The following AGBL1 variants were observed in gnomAD, a reference collection of about 807,000 sequenced individuals.
AGBL1 encodes the protein AGBL carboxypeptidase 1, also known as cytosolic carboxypeptidase 4.
Under a neutral mutation model 118.9 loss-of-function variants are expected in AGBL1, and 130 were observed. The ratio of observed to expected loss-of-function variants is 1.09; its 90% CI spans 0.95 to 1.26. The LOEUF is 1.26. AGBL1 is among the 50% of genes most tolerant of loss of function. The pLI, the probability that AGBL1 is intolerant of heterozygous loss-of-function variation, is 0.00. For synonymous variants in AGBL1, 555 were observed against 478.9 expected (o/e 1.16, Z -2.08); for missense variants, 1,584 against 1,298.1 (o/e 1.22, Z -3.38).
intron 21 of AGBL1, among the ~76,000 whole-genome samples, chr15:86,582,760 G>A (rs188968921): frequency 3.8e-3 from 565 of 150,350 alleles, no homozygotes; most frequent in African/African-American, 0.011. Flanking sequence ...CTATCGCAAG[G>A]ACAAAAAACC....
chr15:86,209,433 A>C (rs951517323), intron 5 of AGBL1, among the ~76,000 whole-genome samples: 5 of 152,074 alleles, frequency 3.3e-5, no homozygotes, highest in Non-Finnish European at 7.4e-5. Flanking sequence ...GTCTCCCATT[A>C]TTATTGTGTG....
chr15:86,399,225 G>A (rs1235618823), intron 18 of AGBL1, among the ~76,000 whole-genome samples: 1 of 152,124 alleles, frequency 6.6e-6, no homozygotes, highest in Non-Finnish European at 1.5e-5. Flanking sequence ...GAACTCAGCC[G>A]ACTCTTGCTA....
At chr15:86,207,103 C>T (rs1197757072) in intron 5 of AGBL1, among the ~76,000 whole-genome samples, 1 of 152,096 alleles carries the variant, frequency 6.6e-6, no homozygotes, top group Non-Finnish European at 1.5e-5. Flanking sequence ...TCAGGTTTGT[C>T]AAAGATCAGA....
intron 23 of AGBL1, among the ~76,000 whole-genome samples, chr15:86,964,031 C>CTCTCTCTCTCTCTCTCTG (rs1183866210): frequency 6.2e-5 from 9 of 146,306 alleles, no homozygotes; most frequent in Middle Eastern, 3.5e-3. Context: ...CTCTCTCTCT[C>CTCTCTCTCTCTCTCTCTG]TGTGTGTGTG....
At chr15:86,115,617 G>A (rs542120344) in intron 1 of AGBL1, among the ~76,000 whole-genome samples, 2 of 152,252 alleles carry the variant, frequency 1.3e-5, no homozygotes, top group African/African-American at 4.8e-5. Context: ...CTGGTGCTCT[G>A]GGATGAGGAC....
At chr15:86,135,339 C>T (rs549923761) in intron 1 of AGBL1, among the ~76,000 whole-genome samples, 87 of 152,342 alleles carry the variant, frequency 5.7e-4, no homozygotes, top group African/African-American at 2.0e-3. Context: ...GCCTGCAGAA[C>T]GTGAGCCAAA....
At chr15:86,842,950 G>A (rs949137790) in intron 22 of AGBL1, among the ~76,000 whole-genome samples, 1 of 152,078 alleles carries the variant, frequency 6.6e-6, no homozygotes, top group Non-Finnish European at 1.5e-5. Flanking sequence ...TCTGGAAAAT[G>A]CTTGCAACTC....
intron 6 of AGBL1, among the ~76,000 whole-genome samples, chr15:86,232,527 G>T (rs574274198): frequency 6.6e-6 from 1 of 152,142 alleles, no homozygotes; most frequent in Non-Finnish European, 1.5e-5. Context: ...GGTCTCAGAG[G>T]CATTTGCTAA....
intron 1 of AGBL1, among the ~76,000 whole-genome samples, chr15:86,124,964 T>C (rs1172374898): frequency 6.6e-6 from 1 of 152,012 alleles, no homozygotes; most frequent in Non-Finnish European, 1.5e-5. Context: ...TAAAAAGGGG[T>C]TTTAGAATTA....
chr15:86,389,781 A>T (rs931371673), intron 17 of AGBL1, among the ~76,000 whole-genome samples: 1 of 152,106 alleles, frequency 6.6e-6, no homozygotes, highest in African/African-American at 2.4e-5. Context: ...AGGATGTATA[A>T]CTTAAGCTAA....
intron 22 of AGBL1, among the ~76,000 whole-genome samples, chr15:86,900,713 G>A (rs1177318518): frequency 3.3e-5 from 5 of 151,360 alleles, no homozygotes; most frequent in Admixed American, 1.3e-4. Flanking sequence ...GAACTTCCTG[G>A]TATACAAAAT....
At chr15:86,750,865 C>G (rs2077840074) in intron 22 of AGBL1, among the ~76,000 whole-genome samples, 1 of 151,986 alleles carries the variant, frequency 6.6e-6, no homozygotes, top group South Asian at 2.1e-4. Context: ...CATTTAGCTC[C>G]TACTTATAAG....
chr15:86,657,761 G>T (rs575259470), intron 21 of AGBL1, among the ~76,000 whole-genome samples: 2 of 151,956 alleles, frequency 1.3e-5, no homozygotes, highest in Admixed American at 1.3e-4. Flanking sequence ...CACATCTCTC[G>T]TAAGTCTCCT....
intron 23 of AGBL1, among the ~76,000 whole-genome samples, chr15:86,937,021 A>G (rs1005257850): frequency 6.6e-6 from 1 of 152,228 alleles, no homozygotes; most frequent in Non-Finnish European, 1.5e-5. Flanking sequence ...TCAAAAGAAG[A>G]CATACATGCA....
chr15:86,136,536 T>A (rs1199035976), intron 1 of AGBL1, among the ~76,000 whole-genome samples: 2 of 152,016 alleles, frequency 1.3e-5, no homozygotes, highest in African/African-American at 2.4e-5. Context: ...GGGAAAACCA[T>A]AAAGAAAAGG....
At chr15:86,339,484 C>T (rs144997761) in intron 17 of AGBL1, among the ~76,000 whole-genome samples, 1,545 of 152,106 alleles carry the variant, frequency 0.01, 19 homozygotes, top group East Asian at 0.032. Flanking sequence ...TATGAATGTT[C>T]GATCTTCTAT....
intron 22 of AGBL1, among the ~76,000 whole-genome samples, chr15:86,760,699 T>C (rs575936576): frequency 1.3e-5 from 2 of 152,220 alleles, no homozygotes; most frequent in South Asian, 2.1e-4. Flanking sequence ...TTCTTTCCTT[T>C]GGCAGTGTGA....
At chr15:86,089,498 T>C (rs1567046722) in intron 1 of AGBL1, among the ~76,000 whole-genome samples, 1 of 152,218 alleles carries the variant, frequency 6.6e-6, no homozygotes, top group Non-Finnish European at 1.5e-5. Flanking sequence ...GCGATAAGGA[T>C]AGCTTTAGCT....
intron 22 of AGBL1, among the ~76,000 whole-genome samples, chr15:86,797,122 G>C (rs1315525246): frequency 6.6e-6 from 1 of 152,222 alleles, no homozygotes; most frequent in Non-Finnish European, 1.5e-5. Context: ...GACCTCTGAA[G>C]ATTAAATTGC....
Sources: allele counts gnomAD v4.1 joint callset (sites outside exome capture counted in the v4.1 genomes callset), GRCh38; gene constraint gnomAD v4.1.1; transcripts MANE v1.5; gene names NCBI Gene and HGNC (gene_info 2026-07-23, HGNC 2026-07-21).